Variants in EGFLAM observed in about 807,000 individuals in gnomAD.
EGFLAM encodes EGF like, fibronectin type III and laminin G domains.
A neutral mutation model predicts 113.1 loss-of-function variants in EGFLAM; 79 were observed. The ratio of observed to expected loss-of-function variants is 0.70; its 90% confidence interval spans 0.58 to 0.84. EGFLAM has a LOEUF of 0.84. Among genes scored for constraint, EGFLAM ranks in the 40% least tolerant of loss-of-function variants. The probability of loss-of-function intolerance (pLI) is 0.00; values close to 1 mark genes in which losing one functional copy is unlikely to be tolerated. For synonymous variants in EGFLAM, 504 were observed against 487.6 expected (o/e 1.03, Z -0.44); for missense variants, 1,265 against 1,291.6 (o/e 0.98, Z 0.32).
chr5:38,418,378 T>C (rs1741722354), intron 12 of EGFLAM, 123 bp downstream of exon 12: 1 of 1,240,908 alleles, frequency 8.1e-7, no homozygotes, highest in African/African-American at 1.5e-5. Flanking sequence ...GCTGGTACCT[T>C]CAGAACATCA....
At chr5:38,412,108 A>G (rs1001672731) in intron 10 of EGFLAM, among the ~76,000 whole-genome samples, 2 of 152,178 alleles carry the variant, frequency 1.3e-5, no homozygotes, top group South Asian at 4.1e-4. Context: ...CCTAATGTCA[A>G]CTTTGATTTT....
chr5:38,337,678 G>A (rs888461736), intron 2 of EGFLAM, 49 bp downstream of exon 2: 4 of 1,458,038 alleles, frequency 2.7e-6, no homozygotes, highest in Non-Finnish European at 3.8e-6. Flanking sequence ...TCGTGTGACT[G>A]TATGTCTTTC....
chr5:38,314,893 C>T (rs1738550839), intron 1 of EGFLAM, among the ~76,000 whole-genome samples: 1 of 152,152 alleles, frequency 6.6e-6, no homozygotes, highest in African/African-American at 2.4e-5. Context: ...GCATGGGCCC[C>T]ACAGTGGGGA....
intron 1 of EGFLAM, among the ~76,000 whole-genome samples, chr5:38,326,881 C>A (rs933307502): frequency 6.6e-6 from 1 of 151,318 alleles, no homozygotes; most frequent in Non-Finnish European, 1.5e-5. Context: ...TCACAGCAAC[C>A]TCCGCCTCCC....
intron 18 of EGFLAM, 121 bp from the exon 19 acceptor site, chr5:38,451,194 T>C (rs528407994): frequency 1.5e-6 from 2 of 1,321,094 alleles, no homozygotes; most frequent in Admixed American, 4.0e-5. Context: ...ATGAAGTAAG[T>C]GTCAGAAAGT....
At position 38,438,437 on chromosome 5, in the gene EGFLAM, G is replaced by A; in HGVS notation, c.2446G>A (p.Gly816Arg). 5 of 1,609,616 alleles carry A rather than the reference G, an allele frequency of 3.1e-6. No homozygotes were observed. The highest frequency in any genetic ancestry group is 4.2e-6 in the Non-Finnish European group (5 of 1,177,138). The change falls in exon 17 of 22, where the codon GGG becomes AGG. Residue 816 changes from glycine (G) to arginine (R), a missense_variant. Coordinates refer to ENST00000322350, the MANE Select transcript of EGFLAM (RefSeq NM_152403.4). ...CTGTGACTGCCCCTTGGGCTTTGAG[G>A]GGCTTCACTGCCAGAAAGGTACGCT... ...YDCDCPLGFEGLHCQKAIIEA... is the reference protein window; with the variant it reads ...YDCDCPLGFERLHCQKAIIEA...
rs1238540347 is a variant in EGFLAM, at chr5:38,447,029, G to A, written c.2465-1272G>A. ...TCTCCCTCATTTTGTACATTTCTTT[G>A]AATTTGAGATTTATTCTACCTTAAT... is the stretch of plus-strand genomic sequence containing the variant. On this transcript the variant is annotated intron_variant, in intron 17 of 21. Transcript: ENST00000322350. Among the ~76,000 whole-genome samples, 8 of 152,042 alleles carry A rather than the reference G, an allele frequency of 5.3e-5. No individual in the cohort carries two copies. In the East Asian group the frequency reaches 1.5e-3, roughly 29 times the overall value.
At chr5:38,436,197 G>GCTTGA (rs1742344276) in intron 16 of EGFLAM, among the ~76,000 whole-genome samples, 1 of 152,164 alleles carries the variant, frequency 6.6e-6, no homozygotes, top group South Asian at 2.1e-4. Context: ...CAGACCTGCA[G>GCTTGA]CTTGACTCCC....
At chr5:38,358,623 C>T (rs1739831439) in intron 5 of EGFLAM, among the ~76,000 whole-genome samples, 1 of 151,842 alleles carries the variant, frequency 6.6e-6, no homozygotes, top group African/African-American at 2.4e-5. Flanking sequence ...CTTCTATTAC[C>T]CCCAAAATAG....
intron 5 of EGFLAM, among the ~76,000 whole-genome samples, chr5:38,369,134 C>T (rs1377504192): frequency 6.6e-6 from 1 of 152,124 alleles, no homozygotes; most frequent in Non-Finnish European, 1.5e-5. Context: ...CAGTGCTATC[C>T]AGTAGAAATA....
At chr5:38,395,312 T>C (rs1740931632) in intron 6 of EGFLAM, among the ~76,000 whole-genome samples, 1 of 148,418 alleles carries the variant, frequency 6.7e-6, no homozygotes, top group South Asian at 2.2e-4. Context: ...GGTGCAATCA[T>C]AGATCACTAC....
At chr5:38,327,252 A>G (rs993649852) in intron 1 of EGFLAM, among the ~76,000 whole-genome samples, 1 of 152,240 alleles carries the variant, frequency 6.6e-6, no homozygotes, top group Non-Finnish European at 1.5e-5. Context: ...CAACTGGTGC[A>G]AACTTCACGA....
chr5:38,458,216 A>G, intron 19 of EGFLAM, 95 bp from the exon 20 acceptor site: 1 of 1,164,522 alleles, frequency 8.6e-7, no homozygotes, highest in Non-Finnish European at 1.2e-6. Context: ...CTGAGTTGCA[A>G]AGAACTTTTG....
At chr5:38,348,676 A>G (rs1739538187) in intron 3 of EGFLAM, among the ~76,000 whole-genome samples, 1 of 152,160 alleles carries the variant, frequency 6.6e-6, no homozygotes, top group South Asian at 2.1e-4. Flanking sequence ...GAGAACTTCA[A>G]GGAGGTTGCC....
intron 1 of EGFLAM, among the ~76,000 whole-genome samples, chr5:38,288,806 C>T (rs1758233801): frequency 6.6e-6 from 1 of 152,148 alleles, no homozygotes; most frequent in African/African-American, 2.4e-5. Flanking sequence ...AATTGTTGAG[C>T]AACTGCTTCT....
At position 38,267,804 on chromosome 5, in the gene EGFLAM, G is replaced by A. The variant is rs187994282; in HGVS notation, c.97+8953G>A. Among the ~76,000 whole-genome samples the A allele has an allele frequency of 2.6e-5, 4 of 152,272 alleles. No homozygotes were observed. In the East Asian group the frequency reaches 5.8e-4, roughly 22 times the overall value. On this transcript the variant is annotated intron_variant, in intron 1 of 21. Transcript: ENST00000322350. ...ATTATTTGAAGAACTTTACTATGAC[G>A]TTCCAAGTGGCAGCAAATATACTTA...
intron 6 of EGFLAM, among the ~76,000 whole-genome samples, chr5:38,390,433 C>A (rs1345547630): frequency 6.6e-6 from 1 of 152,106 alleles, no homozygotes; most frequent in Non-Finnish European, 1.5e-5. Flanking sequence ...AAATTTTTTT[C>A]ATTAGAAACC....
At chr5:38,458,495 C>G in intron 20 of EGFLAM, 101 bp downstream of exon 20, 1 of 1,161,794 alleles carries the variant, frequency 8.6e-7, no homozygotes, top group Non-Finnish European at 1.2e-6. Flanking sequence ...CCCAACTTTG[C>G]CTGGCATCCT....
intron 17 of EGFLAM, among the ~76,000 whole-genome samples, chr5:38,439,862 C>T (rs934954941): frequency 1.3e-5 from 2 of 152,166 alleles, no homozygotes; most frequent in Non-Finnish European, 2.9e-5. Context: ...AATTTTACCA[C>T]AGGAGCATCC....
Sources: allele counts gnomAD v4.1 joint callset (sites outside exome capture counted in the v4.1 genomes callset), GRCh38; gene constraint gnomAD v4.1.1; transcripts MANE v1.5; gene names NCBI Gene and HGNC (gene_info 2026-07-23, HGNC 2026-07-21).